PHACTR2: variants seen among roughly 807,000 people sequenced by gnomAD.
PHACTR2 encodes the protein chromosome 6 open reading frame 56.
Under a neutral mutation model 76.0 loss-of-function variants are expected in PHACTR2, and 30 were observed. The observed-to-expected ratio is 0.39, with a 90% CI of 0.30 to 0.54. The LOEUF (loss-of-function observed/expected upper bound fraction) is 0.54, where lower values mean the gene tolerates loss of function less well. Among genes scored for constraint, PHACTR2 ranks in the 20% least tolerant of loss-of-function variants. PHACTR2 has a pLI of 0.61. For missense variants in PHACTR2, 696 were observed against 781.1 expected, an observed-to-expected ratio of 0.89 and a Z score of 1.30; for synonymous variants, 292 against 292.5, an observed-to-expected ratio of 1.00 and a Z score of 0.02.
At chr6:143,815,389 C>T (rs1175404750) in intron 12 of PHACTR2, among the ~76,000 whole-genome samples, 1 of 151,516 alleles carries the variant, frequency 6.6e-6, no homozygotes, top group Non-Finnish European at 1.5e-5. Context: ...GCACTCCAGC[C>T]GTATGACAAA....
chr6:143,704,999 T>C (rs554364460), intron 1 of PHACTR2, among the ~76,000 whole-genome samples: 38 of 152,028 alleles, frequency 2.5e-4, no homozygotes, highest in African/African-American at 8.4e-4. Context: ...GATAATGTTT[T>C]GCATTTTTAG....
chr6:143,555,960 T>C (rs943002012), intron 1 of PHACTR2, among the ~76,000 whole-genome samples: 8 of 148,620 alleles, frequency 5.4e-5, no homozygotes, highest in African/African-American at 1.7e-4. Flanking sequence ...TTCAAAAAAA[T>C]GATCCTTTTA....
intron 2 of PHACTR2, among the ~76,000 whole-genome samples, chr6:143,734,101 T>G (rs1013046975): frequency 6.6e-6 from 1 of 152,178 alleles, no homozygotes; most frequent in Non-Finnish European, 1.5e-5. Context: ...TTATGGAGCA[T>G]TTATTATTCA....
chr6:143,801,835 T>C lies in PHACTR2; in HGVS notation c.1846-5222T>C, dbSNP rs1775962107. Among the ~76,000 whole-genome samples the C allele has an allele frequency of 6.6e-6, 1 of 152,178 alleles. No homozygotes were observed. The highest frequency in any genetic ancestry group is 2.4e-5 in the African/African-American group (1 of 41,448). On this transcript the variant is annotated intron_variant, in intron 11 of 12. Transcript: ENST00000440869. This position sits in a 1 kb window ranked among gnomAD's most constrained non-coding sequence, Gnocchi z 4.6. ...CTTGGTTTCTCCCCATCTTTGTGGT[T>C]TTATTTACCTTTGGTCTTTGATGTT... is the stretch of plus-strand genomic sequence containing the variant.
At chr6:143,638,234 A>G (rs900509537) in intron 1 of PHACTR2, among the ~76,000 whole-genome samples, 13 of 152,146 alleles carry the variant, frequency 8.5e-5, no homozygotes, top group African/African-American at 2.4e-4. Context: ...AGTGATCGCT[A>G]TGGCTTAAAA....
At chr6:143,703,121 CA>C (rs1239802016) in intron 1 of PHACTR2, among the ~76,000 whole-genome samples, 1 of 95,498 alleles carries the variant, frequency 1.0e-5, no homozygotes, top group East Asian at 3.4e-4. Flanking sequence ...CCAGCCTGGA[CA>C]ACATGGTAAA....
chr6:143,581,881 A>G lies in PHACTR2; in HGVS notation c.217+44674A>G, dbSNP rs1413123599. Among the ~76,000 whole-genome samples the G allele has an allele frequency of 6.6e-6, 1 of 152,140 alleles. No homozygotes were observed. The highest frequency in any genetic ancestry group is 6.5e-5 in the Admixed American group (1 of 15,274). On this transcript the variant is annotated intron_variant, in intron 1 of 11. Coordinates refer to the PHACTR2 transcript ENST00000367584. This position sits in a 1 kb window ranked among gnomAD's most constrained non-coding sequence, Gnocchi z 4.5. ...AGAAAGTTATCCTGCCCTTGCCTAG[A>G]CTTAGATGAACCCAGTCTATTTTTT...
At chr6:143,702,329 G>A (rs541975051) in intron 1 of PHACTR2, among the ~76,000 whole-genome samples, 2 of 151,948 alleles carry the variant, frequency 1.3e-5, no homozygotes, top group Non-Finnish European at 1.5e-5. Context: ...GGATGGTCTC[G>A]ATCTCTTGAC....
intron 11 of PHACTR2, among the ~76,000 whole-genome samples, chr6:143,805,979 C>A (rs572995430): frequency 1.2e-4 from 19 of 152,292 alleles, no homozygotes; most frequent in African/African-American, 4.1e-4. Context: ...TTTTTATCTC[C>A]CAGTGAAGTC....
intron 11 of PHACTR2, among the ~76,000 whole-genome samples, chr6:143,790,879 G>A (rs761465490): frequency 1.2e-4 from 18 of 152,178 alleles, no homozygotes; most frequent in South Asian, 2.1e-4. Context: ...GGGTTTCACC[G>A]TGTTAGCCAG....
rs1361576811 is a variant in PHACTR2, at chr6:143,757,159, A to G, written c.455-3242A>G. Reference sequence around the variant, plus strand: ...AAAATCTTCAATGAAATAACAAGTGATGAACACTTATTTGTTCCACAAATA... The same window carrying G: ...AAAATCTTCAATGAAATAACAAGTGGTGAACACTTATTTGTTCCACAAATA... On this transcript the variant is annotated intron_variant, in intron 4 of 12. Coordinates refer to ENST00000440869, the MANE Select transcript of PHACTR2 (RefSeq NM_001100164.2). The surrounding 1 kb of genome is among the most constrained non-coding windows in gnomAD (Gnocchi z 4.2). Among the ~76,000 whole-genome samples, 1 of 152,242 alleles carries G rather than the reference A, an allele frequency of 6.6e-6. No homozygotes were observed. The highest frequency in any genetic ancestry group is 1.5e-5 in the Non-Finnish European group (1 of 68,036).
rs147042593 is a variant in PHACTR2 at position 143,658,031 on chromosome 6, C to A, written c.13+49709C>A. Among the ~76,000 whole-genome samples, 1 of 152,262 alleles carries A rather than the reference C, an allele frequency of 6.6e-6. No individual in the cohort carries two copies. The highest frequency in any genetic ancestry group is 1.5e-5 in the Non-Finnish European group (1 of 68,024). On this transcript the variant is annotated intron_variant, in intron 1 of 11. Transcript: ENST00000305766. This position sits in a 1 kb window ranked among gnomAD's most constrained non-coding sequence, Gnocchi z 4.1. ...TAATGGACATACCACAATTTATTTA[C>A]CCACTCTTCTGTTGAGGGACGTTTG...
At chr6:143,686,964 C>T (rs1777540066) in intron 1 of PHACTR2, among the ~76,000 whole-genome samples, 1 of 152,210 alleles carries the variant, frequency 6.6e-6, no homozygotes, top group Non-Finnish European at 1.5e-5. Flanking sequence ...GCTTTAAGCT[C>T]AGTGGCTGGT....
At chr6:143,575,403 T>TTAGTCTTTATATGAATGATCTGTCCTATA (rs1775494332) in intron 1 of PHACTR2, among the ~76,000 whole-genome samples, 5 of 152,250 alleles carry the variant, frequency 3.3e-5, no homozygotes, top group African/African-American at 4.8e-5. Flanking sequence ...ATAATGTGAC[T>TTAGTCTTTATATGAATGATCTGTCCTATA]TAGTCTTTAT....
intron 1 of PHACTR2, among the ~76,000 whole-genome samples, chr6:143,651,923 C>T (rs973645336): frequency 2.4e-4 from 36 of 151,492 alleles, no homozygotes; most frequent in African/African-American, 8.0e-4. Flanking sequence ...GGCACTCACA[C>T]AGAAAAGGCC....
rs1776076996 is a variant in PHACTR2 at position 143,806,855 on chromosome 6, G to A, written c.1846-202G>A. Among the ~76,000 whole-genome samples the A allele has an allele frequency of 6.6e-6, 1 of 151,876 alleles. No individual in the cohort carries two copies. Among genetic ancestry groups the A allele is most frequent in the African/African-American group, 2.4e-5 (1 of 41,340 alleles). On this transcript the variant is annotated intron_variant, in intron 11 of 12. Coordinates refer to ENST00000440869, the MANE Select transcript of PHACTR2 (RefSeq NM_001100164.2). This position sits in a 1 kb window ranked among gnomAD's most constrained non-coding sequence, Gnocchi z 5.8. ...ACCTGTAATCCGAGCTACTGGGAAT[G>A]CTGAGTTGGGAGGATCACTTGAGCC... is the stretch of plus-strand genomic sequence containing the variant.
chr6:143,734,652 T>C (rs1778778796), intron 2 of PHACTR2, among the ~76,000 whole-genome samples: 1 of 152,324 alleles, frequency 6.6e-6, no homozygotes, highest in Non-Finnish European at 1.5e-5. Flanking sequence ...CCCTTTTTTT[T>C]CCATCACATT....
At chr6:143,728,717 C>A (rs1415671031) in intron 2 of PHACTR2, among the ~76,000 whole-genome samples, 1 of 151,928 alleles carries the variant, frequency 6.6e-6, no homozygotes, top group African/African-American at 2.4e-5. Flanking sequence ...ATAAAGGTGC[C>A]AAGAATATAG....
At position 143,821,759 on chromosome 6, in the gene PHACTR2, C is replaced by A. The variant is rs1776422715; in HGVS notation, c.1923-1915C>A. ...CTGTAATCGCAGCACGCTGGGAGGCCGAGGACAGATTGCTTGAGTGCAGGA... is the reference window on the plus strand; with the variant it reads ...CTGTAATCGCAGCACGCTGGGAGGCAGAGGACAGATTGCTTGAGTGCAGGA... On this transcript the variant is annotated intron_variant, in intron 12 of 12. Transcript: ENST00000440869. This position sits in a 1 kb window ranked among gnomAD's most constrained non-coding sequence, Gnocchi z 5.2. 1.3e-5 allele frequency among the ~76,000 whole-genome samples: 2 copies of A among 152,086 alleles called. No homozygotes were observed. Among genetic ancestry groups the A allele is most frequent in the Admixed American group, 1.3e-4 (2 of 15,270 alleles).
Sources: allele counts gnomAD v4.1 joint callset (sites outside exome capture counted in the v4.1 genomes callset), GRCh38; gene constraint gnomAD v4.1.1; non-coding constraint Gnocchi (gnomAD v3.1); transcripts MANE v1.5; gene names NCBI Gene and HGNC (gene_info 2026-07-23, HGNC 2026-07-21).